The following LRGUK variants were observed in gnomAD, a reference collection of about 807,000 sequenced individuals.
LRGUK encodes the protein leucine rich repeats and guanylate kinase domain containing.
LRGUK carries 65 observed loss-of-function variants against 76.0 expected under a neutral mutation model. That is an observed-to-expected ratio of 0.85 (90% CI 0.70 to 1.05). The LOEUF (loss-of-function observed/expected upper bound fraction) is 1.05, where lower values mean the gene tolerates loss of function less well. LRGUK is among the 50% of genes least tolerant of loss of function. LRGUK has a pLI of 0.00. For synonymous variants in LRGUK, 268 were observed against 265.6 expected (o/e 1.01, Z -0.09); for missense variants, 758 against 732.8 (o/e 1.03, Z -0.40).
intron 5 of LRGUK, among the ~76,000 whole-genome samples, chr7:134,153,744 T>G (rs530928063): frequency 6.6e-6 from 1 of 152,320 alleles, no homozygotes; most frequent in South Asian, 2.1e-4. Flanking sequence ...TATGCGTGTT[T>G]CTTTTCTTGG....
At chr7:134,236,229 G>GC (rs1233472540) in intron 16 of LRGUK, among the ~76,000 whole-genome samples, 11 of 152,096 alleles carry the variant, frequency 7.2e-5, no homozygotes, top group African/African-American at 2.7e-4. Context: ...CCTTCCATGA[G>GC]CCCCATCCTA....
At position 134,133,788 on chromosome 7, in the gene LRGUK, G is replaced by A. The variant is rs559682374; in HGVS notation, c.298-3235G>A. Among the ~76,000 whole-genome samples the A allele has an allele frequency of 1.2e-3, 177 of 152,200 alleles. 1 individual carries two copies. The South Asian group carries it at 0.018, about 15-fold the overall frequency. Reference sequence around the variant, plus strand: ...TGAAATTGCGTATGGGTCCAGGTGCGGTGGCTCATGCCTGTAGTCCCAGCA... The same window carrying A: ...TGAAATTGCGTATGGGTCCAGGTGCAGTGGCTCATGCCTGTAGTCCCAGCA... On this transcript the variant is annotated intron_variant, in intron 1 of 15. Coordinates refer to ENST00000645682, the Ensembl canonical transcript of LRGUK.
intron 15 of LRGUK, among the ~76,000 whole-genome samples, chr7:134,202,762 G>A (rs1688658976): frequency 6.6e-6 from 1 of 152,238 alleles, no homozygotes; most frequent in African/African-American, 2.4e-5. Context: ...GAGCCAGAAA[G>A]TAGAACGGTA....
chr7:134,229,920 C>A (rs1477037534), intron 16 of LRGUK, among the ~76,000 whole-genome samples: 1 of 151,776 alleles, frequency 6.6e-6, no homozygotes, highest in Non-Finnish European at 1.5e-5. Flanking sequence ...ATGTGAAAAG[C>A]AAAATAATAA....
intron 16 of LRGUK, 73 bp from the exon 17 acceptor site, chr7:134,247,483 A>T: frequency 9.0e-7 from 1 of 1,113,774 alleles, no homozygotes; most frequent in Non-Finnish European, 1.3e-6. Context: ...TACCAAAGAG[A>T]ATTATTATAG....
chr7:134,202,927 G>A (rs537632262), intron 15 of LRGUK, among the ~76,000 whole-genome samples: 10 of 152,102 alleles, frequency 6.6e-5, no homozygotes, highest in East Asian at 3.9e-4. Context: ...TAAGATGGCC[G>A]GGCGTGGTGG....
chr7:134,181,195 A>G (rs755198993), intron 10 of LRGUK, among the ~76,000 whole-genome samples: 1 of 152,140 alleles, frequency 6.6e-6, no homozygotes, highest in Non-Finnish European at 1.5e-5. Context: ...TTAGGAAGGG[A>G]TATGGCATCA....
intron 1 of LRGUK, among the ~76,000 whole-genome samples, chr7:134,128,793 G>A (rs1797147040): frequency 6.6e-6 from 1 of 152,078 alleles, no homozygotes; most frequent in Admixed American, 6.5e-5. Flanking sequence ...CTCGCCATCC[G>A]CCCACCTCTG....
chr7:134,210,083 G>GA lies in LRGUK; in HGVS notation c.3227dup (p.Leu1077AlafsTer9), dbSNP rs975868011. On this transcript the variant is annotated frameshift_variant, in exon 16 of 16. Coordinates refer to ENST00000645682, the Ensembl canonical transcript of LRGUK. LOFTEE classifies it low-confidence loss of function (END_TRUNC). ...GCCACTTCAGCAGACAGGGGCTAGGGAAAAAAAGCTCCCCAACCAGAAAGG... is the reference window on the plus strand; with the variant it reads ...GCCACTTCAGCAGACAGGGGCTAGGGAAAAAAAAGCTCCCCAACCAGAAAGG... 2.3e-5 allele frequency: 9 copies of GA among 399,042 alleles called. No homozygotes were observed. The highest frequency in any genetic ancestry group is 1.2e-4 in the African/African-American group (6 of 48,546). 24.7% of individuals were successfully genotyped at this position (399,042 alleles called of 1,614,324 possible).
At chr7:134,210,878 G>A (rs879693996), downstream of LRGUK, among the ~76,000 whole-genome samples, 1 of 152,178 alleles carries the variant, frequency 6.6e-6, no homozygotes, top group Non-Finnish European at 1.5e-5. Flanking sequence ...CAAAAGCCCC[G>A]CCACTCCCCA....
chr7:134,249,332 G>C (rs1335033121), intron 18 of LRGUK, among the ~76,000 whole-genome samples: 1 of 152,116 alleles, frequency 6.6e-6, no homozygotes, highest in Non-Finnish European at 1.5e-5. Context: ...GCAGTTAGAG[G>C]CTATTCAAGT....
intron 10 of LRGUK, 139 bp from the exon 11 acceptor site, chr7:134,183,595 G>T: frequency 3.9e-6 from 3 of 766,292 alleles, no homozygotes; most frequent in Non-Finnish European, 6.0e-6. Flanking sequence ...TCTGTTTCTG[G>T]AAAGGACAAC....
At chr7:134,197,544 C>T (rs1315724793) in intron 13 of LRGUK, among the ~76,000 whole-genome samples, 2 of 152,102 alleles carry the variant, frequency 1.3e-5, no homozygotes, top group African/African-American at 2.4e-5. Flanking sequence ...GAACTGGTTC[C>T]CCATCCCCTC....
chr7:134,233,838 A>G (rs76528522), intron 16 of LRGUK, among the ~76,000 whole-genome samples: 2 of 152,290 alleles, frequency 1.3e-5, no homozygotes, highest in East Asian at 3.9e-4. Context: ...CTTCGTGTCT[A>G]ATTTGAACTC....
chr7:134,222,008 T>A (rs1423187574), intron 16 of LRGUK, 90 bp downstream of exon 16: 53 of 1,254,818 alleles, frequency 4.2e-5, no homozygotes, highest in Non-Finnish European at 5.2e-5. Flanking sequence ...ACTAATAAGT[T>A]TCCCCAAAAT....
chr7:134,243,997 A>G (rs922018838), intron 16 of LRGUK, among the ~76,000 whole-genome samples: 61 of 152,234 alleles, frequency 4.0e-4, no homozygotes, highest in African/African-American at 1.4e-3. Context: ...CTGGCTAGCC[A>G]TATGTAGAAA....
At chr7:134,241,519 T>C (rs1013764559) in intron 16 of LRGUK, among the ~76,000 whole-genome samples, 2 of 152,142 alleles carry the variant, frequency 1.3e-5, no homozygotes, top group African/African-American at 4.8e-5. Flanking sequence ...CCTAAATATA[T>C]ATGCAGCCAA....
intron 5 of LRGUK, 58 bp downstream of exon 5, chr7:134,148,377 A>G: frequency 2.0e-6 from 2 of 1,004,264 alleles, no homozygotes; most frequent in South Asian, 2.9e-5. Context: ...ATTAAAGACT[A>G]CATATTCAAG....
chr7:134,133,712 G>A (rs1797404923), intron 1 of LRGUK, among the ~76,000 whole-genome samples: 1 of 152,020 alleles, frequency 6.6e-6, no homozygotes, highest in Admixed American at 6.6e-5. Context: ...ATATGGATGG[G>A]GTAGTTGCAA....
Sources: allele counts gnomAD v4.1 joint callset (sites outside exome capture counted in the v4.1 genomes callset), GRCh38; gene constraint gnomAD v4.1.1; transcripts MANE v1.5; gene names NCBI Gene and HGNC (gene_info 2026-07-23, HGNC 2026-07-21).